Variants in TXNRD1 observed in about 807,000 individuals in gnomAD.
The protein encoded by TXNRD1 is thioredoxin reductase 1, cytoplasmic.
TXNRD1 carries 57 observed loss-of-function variants against 80.3 expected under a neutral mutation model. The ratio of observed to expected loss-of-function variants is 0.71; its 90% CI spans 0.57 to 0.89. TXNRD1 has a LOEUF of 0.89. TXNRD1 is among the 40% of genes least tolerant of loss of function. The pLI is 0.00. For missense variants in TXNRD1, 730 were observed against 803.0 expected, an observed-to-expected ratio of 0.91 and a Z score of 1.10; for synonymous variants, 291 against 285.2, an observed-to-expected ratio of 1.02 and a Z score of -0.20.
intron 3 of TXNRD1, among the ~76,000 whole-genome samples, chr12:104,279,695 A>C (rs1414581655): frequency 6.6e-6 from 1 of 152,234 alleles, no homozygotes; most frequent in Non-Finnish European, 1.5e-5. Context: ...GGAAATTGCC[A>C]AAGTTCCCTC....
chr12:104,249,726 G>A (rs1203927248), intron 1 of TXNRD1, among the ~76,000 whole-genome samples: 1 of 151,972 alleles, frequency 6.6e-6, no homozygotes, highest in Non-Finnish European at 1.5e-5. Flanking sequence ...ACGAGGTCAG[G>A]AGATCAAGAC....
At chr12:104,335,911 T>C (rs1593869676) in intron 15 of TXNRD1, among the ~76,000 whole-genome samples, 1 of 152,344 alleles carries the variant, frequency 6.6e-6, no homozygotes, top group Admixed American at 6.5e-5. Flanking sequence ...AACATTTTCT[T>C]GAATCCTCTG....
chr12:104,241,977 C>T (rs1239311035), intron 1 of TXNRD1, among the ~76,000 whole-genome samples: 12 of 121,050 alleles, frequency 9.9e-5, no homozygotes, highest in African/African-American at 1.3e-4. Context: ...GTCTCACTGT[C>T]GCCCAGACTA....
chr12:104,339,362 C>T, intron 16 of TXNRD1, 89 bp downstream of exon 16: 1 of 1,552,380 alleles, frequency 6.4e-7, no homozygotes, highest in Non-Finnish European at 8.8e-7. Context: ...AGATGTAGGA[C>T]CCTGAGTTTG....
At chr12:104,239,189 TG>T (rs1454526142) in intron 1 of TXNRD1, among the ~76,000 whole-genome samples, 1 of 105,956 alleles carries the variant, frequency 9.4e-6, no homozygotes, top group African/African-American at 3.5e-5. Context: ...CTTTTCTTTG[TG>T]GGAATTTTTT....
At chr12:104,313,108 G>A (rs568135734) in intron 5 of TXNRD1, 137 bp from the exon 6 acceptor site, 5 of 593,028 alleles carry the variant, frequency 8.4e-6, no homozygotes, top group Non-Finnish European at 8.9e-6. Flanking sequence ...TCATCATGGT[G>A]TGTGAAGTAC....
intron 2 of TXNRD1, among the ~76,000 whole-genome samples, chr12:104,255,945 A>G (rs562290251): frequency 6.6e-6 from 1 of 152,310 alleles, no homozygotes; most frequent in Non-Finnish European, 1.5e-5. Context: ...TAATTTGGAA[A>G]TTAATTTTCG....
chr12:104,252,658 T>TATATATATATATATATATA lies in TXNRD1; in HGVS notation c.243+980_243+981insATATATATATATATATATA, dbSNP rs1491493630. Among the ~76,000 whole-genome samples the TATATATATATATATATATA allele has an allele frequency of 4.4e-3, 45 of 10,342 alleles. 1 individual carries two copies. Among genetic ancestry groups the TATATATATATATATATATA allele is most frequent in the East Asian group, 0.022 (2 of 92 alleles). 6.8% of individuals were successfully genotyped at this position (10,342 alleles called of 152,430 possible). A position where few individuals can be genotyped will look rare whatever the true frequency, so the allele number is the denominator to read the frequency against. Reference sequence around the variant, plus strand: ...GGTTCACTGAGAGGTTAATTTATTATTTTTTATATATATATATATATATAT... The same window carrying TATATATATATATATATATA: ...GGTTCACTGAGAGGTTAATTTATTATATATATATATATATATATATTTTTATATATATATATATATATAT... On this transcript the variant is annotated intron_variant, in intron 2 of 16. Coordinates refer to ENST00000525566, the MANE Select transcript of TXNRD1 (RefSeq NM_001093771.3).
intron 10 of TXNRD1, 44 bp downstream of exon 10, chr12:104,321,360 T>C (rs1020892558): frequency 6.6e-7 from 1 of 1,521,354 alleles, no homozygotes; most frequent in African/African-American, 1.4e-5. Flanking sequence ...ACATTCACAG[T>C]AAAAGGCAAA....
chr12:104,280,062 C>CAAAAA lies in TXNRD1; in HGVS notation c.305-8852_305-8848dup, dbSNP rs34627940. On this transcript the variant is annotated intron_variant, in intron 3 of 16. Transcript: ENST00000525566. ...TGGGTGACAGAGTGAGACTCTGTCT[C>CAAAAA]AAAAAAAAAAAAAAAAAAAAATTCC... 2.8e-4 allele frequency among the ~76,000 whole-genome samples: 24 copies of CAAAAA among 84,616 alleles called. 1 individual carries two copies. Among genetic ancestry groups the CAAAAA allele is most frequent in the African/African-American group, 1.1e-3 (23 of 21,464 alleles). The allele number at this position is 84,616 out of a possible 152,430, so 55.5% of individuals were successfully genotyped here.
intron 1 of TXNRD1, among the ~76,000 whole-genome samples, chr12:104,226,849 A>G (rs761937513): frequency 3.3e-4 from 51 of 152,290 alleles, no homozygotes; most frequent in Non-Finnish European, 6.5e-4. Context: ...TTTCCCATGT[A>G]TTATCTAAGA....
intron 3 of TXNRD1, among the ~76,000 whole-genome samples, chr12:104,267,641 G>A (rs949603308): frequency 2.6e-5 from 3 of 116,528 alleles, no homozygotes; most frequent in African/African-American, 9.6e-5. Context: ...TCCTAGATGT[G>A]ATGGTATCTT....
intron 3 of TXNRD1, among the ~76,000 whole-genome samples, chr12:104,263,167 G>A (rs1005343854): frequency 2.6e-5 from 4 of 152,206 alleles, no homozygotes; most frequent in Non-Finnish European, 5.9e-5. Flanking sequence ...CCTTGTGCCA[G>A]AGGCTCATGC....
chr12:104,250,825 T>C (rs939154159), intron 1 of TXNRD1, among the ~76,000 whole-genome samples: 74 of 151,988 alleles, frequency 4.9e-4, no homozygotes, highest in African/African-American at 1.7e-3. Flanking sequence ...CTGAAGAAGA[T>C]GGATAGTTTA....
rs913128265 is a variant in TXNRD1 at position 104,291,114 on chromosome 12, C to T, written c.414+2074C>T. ...CACGACATTTAGTGAGGTATAGTGCCATGAATGAAAAGCATACCATCAAGA... is the reference window on the plus strand; with the variant it reads ...CACGACATTTAGTGAGGTATAGTGCTATGAATGAAAAGCATACCATCAAGA... On this transcript the variant is annotated intron_variant, in intron 4 of 16. Coordinates refer to ENST00000525566, the MANE Select transcript of TXNRD1 (RefSeq NM_001093771.3). 28 of 629,506 alleles carry T rather than the reference C, an allele frequency of 4.4e-5. No homozygotes were observed. In the African/African-American group the frequency reaches 5.1e-4, roughly 12 times the overall value. The allele number at this position is 629,506 out of a possible 1,614,324, so 39.0% of individuals were successfully genotyped here.
intron 3 of TXNRD1, among the ~76,000 whole-genome samples, chr12:104,262,114 C>G (rs1193724338): frequency 6.6e-6 from 1 of 151,568 alleles, no homozygotes; most frequent in Non-Finnish European, 1.5e-5. Flanking sequence ...CGCCTATTAT[C>G]CCAGCGACTC....
chr12:104,275,037 A>C (rs1271973317), intron 3 of TXNRD1, among the ~76,000 whole-genome samples: 1 of 152,238 alleles, frequency 6.6e-6, no homozygotes, highest in African/African-American at 2.4e-5. Context: ...ATGTGTGTAC[A>C]TGTAATGCAG....
intron 12 of TXNRD1, among the ~76,000 whole-genome samples, chr12:104,326,793 G>A (rs1184242071): frequency 6.7e-6 from 1 of 149,788 alleles, no homozygotes; most frequent in African/African-American, 2.5e-5. Context: ...TACTATTTCA[G>A]TTATTTACAG....
chr12:104,269,846 G>A (rs1023086867), intron 3 of TXNRD1, among the ~76,000 whole-genome samples: 2 of 152,024 alleles, frequency 1.3e-5, no homozygotes, highest in Non-Finnish European at 2.9e-5. Flanking sequence ...TGGGATGACA[G>A]GTGTGAGCCC....
Sources: allele counts gnomAD v4.1 joint callset (sites outside exome capture counted in the v4.1 genomes callset), GRCh38; gene constraint gnomAD v4.1.1; transcripts MANE v1.5; gene names NCBI Gene and HGNC (gene_info 2026-07-23, HGNC 2026-07-21).